PACRG: variants seen among roughly 807,000 people sequenced by gnomAD.
PACRG encodes parkin coregulated, also known as parkin coregulated gene protein.
Under a neutral mutation model 29.7 loss-of-function variants are expected in PACRG, and 29 were observed. The ratio of observed to expected loss-of-function variants is 0.98; its 90% CI spans 0.73 to 1.33. PACRG has a LOEUF of 1.33. PACRG is among the 40% of genes most tolerant of loss of function. PACRG has a pLI of 0.00. For synonymous variants in PACRG, 116 were observed against 118.7 expected (o/e 0.98, Z 0.15); for missense variants, 279 against 316.2 (o/e 0.88, Z 0.89).
intron 2 of PACRG, among the ~76,000 whole-genome samples, chr6:162,952,584 A>G (rs1799733978): frequency 6.6e-6 from 1 of 152,216 alleles, no homozygotes; most frequent in African/African-American, 2.4e-5. Context: ...ACTGAACTGT[A>G]TGAATAATTC....
chr6:163,286,211 A>T (rs1357825371), intron 4 of PACRG, among the ~76,000 whole-genome samples: 1 of 152,226 alleles, frequency 6.6e-6, no homozygotes, highest in East Asian at 1.9e-4. Flanking sequence ...TGATGAGCTC[A>T]CATCTGTTAC....
intron 2 of PACRG, among the ~76,000 whole-genome samples, chr6:163,027,010 A>G (rs533124101): frequency 7.9e-5 from 12 of 152,340 alleles, no homozygotes; most frequent in African/African-American, 2.9e-4. Context: ...ACATGGAAGG[A>G]TAAAAATAGC....
chr6:163,301,179 C>T (rs1230080231), intron 4 of PACRG, among the ~76,000 whole-genome samples: 1 of 152,166 alleles, frequency 6.6e-6, no homozygotes, highest in African/African-American at 2.4e-5. Flanking sequence ...AGTCAGCCAG[C>T]AGTCTAGGGA....
intron 2 of PACRG, among the ~76,000 whole-genome samples, chr6:163,023,280 G>A (rs554571991): frequency 1.1e-4 from 16 of 152,132 alleles, no homozygotes; most frequent in Admixed American, 2.6e-4. Context: ...TCATGTCCAC[G>A]TGTGCTCAGT....
At chr6:162,739,488 T>A (rs1420326694) in intron 1 of PACRG, among the ~76,000 whole-genome samples, 1 of 152,202 alleles carries the variant, frequency 6.6e-6, no homozygotes, top group Non-Finnish European at 1.5e-5. Flanking sequence ...ACATAAATTT[T>A]AAATTTAACT....
intron 4 of PACRG, among the ~76,000 whole-genome samples, chr6:163,283,627 C>T (rs905185516): frequency 2.7e-5 from 4 of 149,636 alleles, no homozygotes; most frequent in Non-Finnish European, 5.9e-5. Flanking sequence ...GGTGAAACCC[C>T]GTCTCTACTA....
In PACRG at chr6:163,076,173, C is replaced by T. The variant is rs79783313; in HGVS notation, c.464-13086C>T. ...TAATTCTGGCAGACAATTAATTGGA[C>T]ACAGACCCCAAACCTTGTCTTCTCT... On this transcript the variant is annotated intron_variant, in intron 3 of 4. Coordinates refer to ENST00000366888, the MANE Select transcript of PACRG (RefSeq NM_001080379.2). 4.7e-4 allele frequency among the ~76,000 whole-genome samples: 71 copies of T among 152,254 alleles called. 2 individuals are homozygous for T. In the East Asian group the frequency reaches 0.013, roughly 27 times the overall value.
intron 2 of PACRG, among the ~76,000 whole-genome samples, chr6:162,960,334 T>C (rs1271399955): frequency 6.6e-6 from 1 of 152,184 alleles, no homozygotes; most frequent in Non-Finnish European, 1.5e-5. Flanking sequence ...CTATTGACAA[T>C]ACCAAAGACA....
chr6:162,950,736 C>G (rs1014861532), intron 2 of PACRG, among the ~76,000 whole-genome samples: 2 of 151,928 alleles, frequency 1.3e-5, no homozygotes, highest in Non-Finnish European at 2.9e-5. Flanking sequence ...TTCCTGAATT[C>G]AATACAAACT....
intron 2 of PACRG, among the ~76,000 whole-genome samples, chr6:162,958,787 T>TAC (rs759599477): frequency 3.2e-4 from 47 of 147,166 alleles, no homozygotes; most frequent in Admixed American, 3.0e-3. Flanking sequence ...AATATACATA[T>TAC]ACACACACAT....
At position 162,858,730 on chromosome 6, in the gene PACRG, T is replaced by A. The variant is rs148466080; in HGVS notation, c.291+44449T>A. On this transcript the variant is annotated intron_variant, in intron 2 of 4. Transcript: ENST00000366888. ...CCAATCGGTACAAACTGGGGGCAAC[T>A]CAGGGAGACCTGATTGCCCAGTTTC... is the stretch of plus-strand genomic sequence containing the variant. 1.1e-3 allele frequency among the ~76,000 whole-genome samples: 174 copies of A among 152,250 alleles called. 5 individuals are homozygous for A. In the East Asian group the frequency reaches 0.03, roughly 26 times the overall value.
At position 163,233,120 on chromosome 6, in the gene PACRG, C is replaced by T. The variant is rs116434236; in HGVS notation, c.614-81707C>T. On this transcript the variant is annotated intron_variant, in intron 4 of 4. Transcript: ENST00000366888. Reference sequence around the variant, plus strand: ...GAACACGCTCAGCAGGAATTTGTCCCCCAAGAAGTATTCTTTGCTGCAATC... The same window carrying T: ...GAACACGCTCAGCAGGAATTTGTCCTCCAAGAAGTATTCTTTGCTGCAATC... Among the ~76,000 whole-genome samples, 311 of 152,328 alleles carry T rather than the reference C, an allele frequency of 2.0e-3. 2 individuals carry two copies. The highest frequency in any genetic ancestry group is 7.1e-3 in the African/African-American group (296 of 41,572).
intron 2 of PACRG, among the ~76,000 whole-genome samples, chr6:162,833,492 A>T (rs1788954852): frequency 6.6e-6 from 1 of 152,204 alleles, no homozygotes; most frequent in Non-Finnish European, 1.5e-5. Flanking sequence ...TTTAAAAAAC[A>T]ATATGCTAAT....
chr6:162,932,447 T>A (rs1797922759), intron 2 of PACRG, among the ~76,000 whole-genome samples: 1 of 151,896 alleles, frequency 6.6e-6, no homozygotes. Flanking sequence ...TTTTGAAGAG[T>A]TTGAGTATAA....
chr6:162,883,684 C>CTGTGTGTGTGTG lies in PACRG; in HGVS notation c.291+69423_291+69434dup, dbSNP rs144543802. 2.7e-4 allele frequency among the ~76,000 whole-genome samples: 40 copies of CTGTGTGTGTGTG among 145,840 alleles called. No homozygotes were observed. The East Asian group carries it at 4.3e-3, about 16-fold the overall frequency. On this transcript the variant is annotated intron_variant, in intron 2 of 4. Transcript: ENST00000366888. ...AAGGCATCAAACGATTTTTCAAAAA[C>CTGTGTGTGTGTG]TGTGTGTGTGTGTGTGTGTGTGTGT...
intron 4 of PACRG, among the ~76,000 whole-genome samples, chr6:163,117,345 G>C (rs557001219): frequency 6.6e-6 from 1 of 152,200 alleles, no homozygotes; most frequent in Non-Finnish European, 1.5e-5. Flanking sequence ...GACTGAGGCC[G>C]CCTGGCTCCA....
chr6:162,731,579 A>G (rs1779773013), intron 1 of PACRG, among the ~76,000 whole-genome samples: 2 of 152,102 alleles, frequency 1.3e-5, no homozygotes, highest in Non-Finnish European at 2.9e-5. Context: ...AGATTTTGGT[A>G]TCTGCAGGAG....
rs1022497484 is a variant in PACRG, at chr6:163,134,464, G to A, written c.613+45056G>A. On this transcript the variant is annotated intron_variant, in intron 4 of 4. Transcript: ENST00000366888. ...AGCCCTTCTAAGTGCAGGGCCTCAA[G>A]CAACTTCATGTTCTGTACTATACTA... Among the ~76,000 whole-genome samples, 51 of 152,156 alleles carry A rather than the reference G, an allele frequency of 3.4e-4. 1 individual carries two copies. The highest frequency in any genetic ancestry group is 1.9e-4 in the Non-Finnish European group (13 of 68,030).
intron 2 of PACRG, among the ~76,000 whole-genome samples, chr6:163,001,773 T>C (rs1804612892): frequency 6.6e-6 from 1 of 152,202 alleles, no homozygotes; most frequent in Non-Finnish European, 1.5e-5. Flanking sequence ...CAATAAAATA[T>C]AGAAGTTACG....
Sources: allele counts gnomAD v4.1 joint callset (sites outside exome capture counted in the v4.1 genomes callset), GRCh38; gene constraint gnomAD v4.1.1; transcripts MANE v1.5; gene names NCBI Gene and HGNC (gene_info 2026-07-23, HGNC 2026-07-21).